The following DNER variants were observed in gnomAD, a reference collection of about 807,000 sequenced individuals.
DNER encodes delta/notch like EGF repeat containing, also known as delta and Notch-like epidermal growth factor-related receptor.
DNER carries 33 observed loss-of-function variants against 78.2 expected under a neutral mutation model. The ratio of observed to expected loss-of-function variants is 0.42; its 90% confidence interval spans 0.32 to 0.56. The LOEUF (loss-of-function observed/expected upper bound fraction) is 0.56, where lower values mean the gene tolerates loss of function less well. Among genes scored for constraint, DNER ranks in the 20% least tolerant of loss-of-function variants. The pLI is 0.11. For synonymous variants in DNER, 417 were observed against 384.8 expected (o/e 1.08, Z -0.98); for missense variants, 918 against 975.3 (o/e 0.94, Z 0.78).
At chr2:229,653,343 G>C (rs570501694) in intron 1 of DNER, among the ~76,000 whole-genome samples, 1 of 152,286 alleles carries the variant, frequency 6.6e-6, no homozygotes, top group African/African-American at 2.4e-5. Context: ...CCAGCTCCCA[G>C]AGTTGGCCAT....
intron 4 of DNER, among the ~76,000 whole-genome samples, chr2:229,562,206 C>T (rs181733164): frequency 5.3e-4 from 80 of 152,248 alleles, no homozygotes; most frequent in East Asian, 3.3e-3. Context: ...CCTCCTGGGC[C>T]ACATCCCACC....
intron 8 of DNER, among the ~76,000 whole-genome samples, chr2:229,438,927 C>A (rs1288968599): frequency 6.6e-6 from 1 of 152,152 alleles, no homozygotes; most frequent in Admixed American, 6.5e-5. Flanking sequence ...ACTTTTGACC[C>A]CATTTGCTAT....
intron 10 of DNER, among the ~76,000 whole-genome samples, chr2:229,393,699 T>G (rs1246338794): frequency 6.6e-6 from 1 of 151,364 alleles, no homozygotes; most frequent in African/African-American, 2.4e-5. Flanking sequence ...TACAAAAAAT[T>G]AGCCAGGCGT....
chr2:229,623,398 T>C (rs1182500896), intron 1 of DNER, among the ~76,000 whole-genome samples: 5 of 152,092 alleles, frequency 3.3e-5, no homozygotes, highest in Middle Eastern at 6.8e-3. Flanking sequence ...CTGCTCCCCC[T>C]CCCATCAGCA....
At chr2:229,566,800 T>C (rs1697118754) in intron 4 of DNER, among the ~76,000 whole-genome samples, 1 of 152,206 alleles carries the variant, frequency 6.6e-6, no homozygotes, top group South Asian at 2.1e-4. Flanking sequence ...AGATGTCTGT[T>C]GGCCAGGTAT....
chr2:229,463,840 G>T (rs993240983), intron 7 of DNER, among the ~76,000 whole-genome samples: 11 of 152,334 alleles, frequency 7.2e-5, no homozygotes, highest in Admixed American at 3.3e-4. Flanking sequence ...GTACAGAGGA[G>T]ACCAGAAGGA....
intron 5 of DNER, among the ~76,000 whole-genome samples, chr2:229,520,742 C>G (rs926296883): frequency 7.9e-5 from 12 of 152,192 alleles, no homozygotes; most frequent in African/African-American, 2.9e-4. Flanking sequence ...ATTGCATCTG[C>G]TGCAGGACTG....
At chr2:229,622,685 T>C (rs1698270310) in intron 1 of DNER, among the ~76,000 whole-genome samples, 1 of 152,144 alleles carries the variant, frequency 6.6e-6, no homozygotes, top group African/African-American at 2.4e-5. Flanking sequence ...GAGGTCATAC[T>C]AATTAGTGTG....
intron 1 of DNER, among the ~76,000 whole-genome samples, chr2:229,621,712 C>T (rs1421774032): frequency 6.6e-6 from 1 of 152,200 alleles, no homozygotes; most frequent in East Asian, 1.9e-4. Flanking sequence ...GACCCTCACT[C>T]CTTGCCCTTT....
chr2:229,558,848 C>T (rs914206045), intron 4 of DNER, among the ~76,000 whole-genome samples: 3 of 152,124 alleles, frequency 2.0e-5, no homozygotes, highest in African/African-American at 7.2e-5. Context: ...GCTCCAGTCA[C>T]CAGTGTCTTA....
At chr2:229,676,929 G>C (rs918718704) in intron 1 of DNER, among the ~76,000 whole-genome samples, 1 of 152,106 alleles carries the variant, frequency 6.6e-6, no homozygotes, top group African/African-American at 2.4e-5. Context: ...GGATAGGAAC[G>C]AGTCTCACTT....
chr2:229,491,339 G>A (rs968668399), intron 6 of DNER, among the ~76,000 whole-genome samples: 5 of 152,104 alleles, frequency 3.3e-5, no homozygotes, highest in Non-Finnish European at 7.4e-5. Context: ...GCCCTCACAT[G>A]GCAGAAAAAG....
chr2:229,373,183 C>T (rs1007275192), intron 11 of DNER, among the ~76,000 whole-genome samples: 18 of 152,084 alleles, frequency 1.2e-4, no homozygotes, highest in African/African-American at 3.9e-4. Flanking sequence ...AGAAAATATT[C>T]GCAAATGATG....
intron 4 of DNER, among the ~76,000 whole-genome samples, chr2:229,564,403 T>C (rs1697055177): frequency 7.0e-6 from 1 of 143,192 alleles, no homozygotes; most frequent in Admixed American, 7.1e-5. Flanking sequence ...ACCATCATCA[T>C]CAACATCATC....
At chr2:229,579,571 GATATCT>G (rs1697356099) in intron 4 of DNER, among the ~76,000 whole-genome samples, 1 of 152,112 alleles carries the variant, frequency 6.6e-6, no homozygotes, top group South Asian at 2.1e-4. Flanking sequence ...TAGGGACTCA[GATATCT>G]TTGAGAATCC....
At chr2:229,708,634 C>T (rs531641179) in intron 1 of DNER, among the ~76,000 whole-genome samples, 1 of 152,166 alleles carries the variant, frequency 6.6e-6, no homozygotes, top group Non-Finnish European at 1.5e-5. Context: ...CTCAAATACC[C>T]TTCAAATTCA....
chr2:229,445,094 G>C (rs35565740), intron 8 of DNER, among the ~76,000 whole-genome samples: 25,737 of 152,202 alleles, frequency 0.17, 2,775 homozygotes, highest in Non-Finnish European at 0.24. Flanking sequence ...AGCAGAGCTG[G>C]GAACAGCGTG....
At chr2:229,433,754 C>T (rs907136486) in intron 8 of DNER, among the ~76,000 whole-genome samples, 2 of 151,988 alleles carry the variant, frequency 1.3e-5, no homozygotes, top group Non-Finnish European at 2.9e-5. Flanking sequence ...AACATACAGA[C>T]CAGTAGGTAA....
intron 10 of DNER, among the ~76,000 whole-genome samples, chr2:229,397,183 AT>A (rs1232976864): frequency 6.6e-6 from 1 of 152,154 alleles, no homozygotes; most frequent in African/African-American, 2.4e-5. Flanking sequence ...TGTACATAAA[AT>A]AAACATAAGA....
Sources: allele counts gnomAD v4.1 joint callset (sites outside exome capture counted in the v4.1 genomes callset), GRCh38; gene constraint gnomAD v4.1.1; transcripts MANE v1.5; gene names NCBI Gene and HGNC (gene_info 2026-07-23, HGNC 2026-07-21).